RBM20: variants seen among roughly 807,000 people sequenced by gnomAD.
RBM20 encodes the protein RNA binding motif protein 20, also known as RNA-binding protein 20.
Under a neutral mutation model 110.1 loss-of-function variants are expected in RBM20, and 51 were observed. That is an observed-to-expected ratio of 0.46 (90% CI 0.37 to 0.59). RBM20 has a LOEUF of 0.59. Among genes scored for constraint, RBM20 ranks in the 20% least tolerant of loss-of-function variants. The probability of loss-of-function intolerance (pLI) is 0.00; values close to 1 mark genes in which losing one functional copy is unlikely to be tolerated. For synonymous variants in RBM20, 589 were observed against 618.2 expected (o/e 0.95, Z 0.70); for missense variants, 1,512 against 1,574.9 (o/e 0.96, Z 0.68).
intron 1 of RBM20, among the ~76,000 whole-genome samples, chr10:110,674,758 C>G (rs1033138590): frequency 5.9e-5 from 9 of 152,182 alleles, no homozygotes; most frequent in Admixed American, 4.6e-4. Flanking sequence ...TTTTTAGATT[C>G]TTTCTTGATT....
At chr10:110,664,443 G>A (rs1313645355) in intron 1 of RBM20, among the ~76,000 whole-genome samples, 1 of 152,126 alleles carries the variant, frequency 6.6e-6, no homozygotes, top group African/African-American at 2.4e-5. Context: ...AAATCTATAA[G>A]TTAAAAAAAT....
chr10:110,693,545 C>G (rs147076882), intron 1 of RBM20, among the ~76,000 whole-genome samples: 176 of 152,308 alleles, frequency 1.2e-3, no homozygotes, highest in Middle Eastern at 6.8e-3. Context: ...CTAAACTAAA[C>G]TGTTGGCAAA....
intron 7 of RBM20, among the ~76,000 whole-genome samples, chr10:110,807,623 A>G (rs1372782554): frequency 6.6e-6 from 1 of 151,920 alleles, no homozygotes. Context: ...CCTCATAGTC[A>G]CTCTGCCATG....
chr10:110,752,945 A>ATATATTTT (rs1433992064), intron 1 of RBM20, among the ~76,000 whole-genome samples: 60 of 108,982 alleles, frequency 5.5e-4, no homozygotes, highest in African/African-American at 2.1e-3. Flanking sequence ...ATATATATAT[A>ATATATTTT]TTTTTTTTTT....
intron 3 of RBM20, 118 bp downstream of exon 3, chr10:110,783,545 A>G (rs1023340931): frequency 2.8e-6 from 2 of 726,904 alleles, no homozygotes; most frequent in Non-Finnish European, 4.6e-6. Context: ...CAGAACAGGC[A>G]AAGTTCCTGC....
intron 1 of RBM20, among the ~76,000 whole-genome samples, chr10:110,737,193 A>AAAAAAAAAAAAAAAAAAAAC (rs796374212): frequency 6.0e-5 from 7 of 116,510 alleles, no homozygotes; most frequent in Admixed American, 1.7e-4. Flanking sequence ...AAAAAAAAAA[A>AAAAAAAAAAAAAAAAAAAAC]AAAACACCCC....
chr10:110,735,219 A>C (rs2134958648), intron 1 of RBM20, among the ~76,000 whole-genome samples: 1 of 152,346 alleles, frequency 6.6e-6, no homozygotes, highest in East Asian at 1.9e-4. Context: ...AGGTATATAT[A>C]GGAAAAAATA....
chr10:110,696,861 G>T (rs1182326379), intron 1 of RBM20, among the ~76,000 whole-genome samples: 1 of 152,100 alleles, frequency 6.6e-6, no homozygotes, highest in African/African-American at 2.4e-5. Context: ...TACTTTTACA[G>T]CTTGATGAAT....
Position 110,802,120 on chromosome 10 carries a change from G to A in RBM20, c.1800+2202G>A, listed in dbSNP as rs140702504. On this transcript the variant is annotated intron_variant, in intron 7 of 13. Coordinates refer to ENST00000369519, the MANE Select transcript of RBM20 (RefSeq NM_001134363.3). Reference sequence around the variant, plus strand: ...GTGCTTTCTACTGTTCCATTTAATAGGGATTTTCCCGTTCACTTTAGCTCA... The same window carrying A: ...GTGCTTTCTACTGTTCCATTTAATAAGGATTTTCCCGTTCACTTTAGCTCA... Among the ~76,000 whole-genome samples the A allele has an allele frequency of 6.2e-3, 943 of 152,274 alleles. 11 individuals carry two copies. Among genetic ancestry groups the A allele is most frequent in the African/African-American group, 0.018 (760 of 41,554 alleles).
At chr10:110,666,064 G>T (rs1488715404) in intron 1 of RBM20, among the ~76,000 whole-genome samples, 1 of 151,958 alleles carries the variant, frequency 6.6e-6, no homozygotes, top group Non-Finnish European at 1.5e-5. Context: ...ATACTCTAGG[G>T]TTGTATACTA....
chr10:110,824,437 G>A (rs1207087258), intron 12 of RBM20, among the ~76,000 whole-genome samples: 2 of 152,322 alleles, frequency 1.3e-5, no homozygotes, highest in South Asian at 2.1e-4. Context: ...CATAGAAAGG[G>A]TATTGAACAG....
rs397516608 is a variant in RBM20 at position 110,821,380 on chromosome 10, A to G, written c.2761A>G (p.Ile921Val). 110 of 1,551,766 alleles carry G rather than the reference A, an allele frequency of 7.1e-5. No individual in the cohort carries two copies. The highest frequency in any genetic ancestry group is 2.0e-4 in the Admixed American group (10 of 51,004). ...CGAGGTTGGGGAAGAAGAAGATTTT[A>G]TCGTGGAACCAGACATCCCAGAGCT... is the stretch of plus-strand genomic sequence containing the variant. ...VDEVGEEEDF[I>V]VEPDIPELEE... Residue 921 changes from isoleucine to valine, a missense_variant, in exon 11 of 14, where the codon ATC (isoleucine) becomes GTC (valine). This residue lies in a region of RBM20 where 358 missense variants were observed against 384.2 expected (regional missense o/e 0.93). Coordinates refer to ENST00000369519, the MANE Select transcript of RBM20 (RefSeq NM_001134363.3).
chr10:110,683,448 G>A (rs1862452040), intron 1 of RBM20, among the ~76,000 whole-genome samples: 1 of 152,170 alleles, frequency 6.6e-6, no homozygotes, highest in African/African-American at 2.4e-5. Context: ...ATGTTTTCTC[G>A]TAAATGCTAG....
Position 110,770,882 on chromosome 10 carries a change from C to T in RBM20, c.192-9919C>T, listed in dbSNP as rs569167250. 5.3e-5 allele frequency among the ~76,000 whole-genome samples: 8 copies of T among 152,366 alleles called. No homozygotes were observed. In the East Asian group the frequency reaches 1.5e-3, roughly 29 times the overall value. On this transcript the variant is annotated intron_variant, in intron 1 of 13. Transcript: ENST00000369519. ...GAGGCACACACTGAAATTGCATTTT[C>T]TTCCGATTTGGTTAAAAGGAAAAAC...
intron 11 of RBM20, among the ~76,000 whole-genome samples, chr10:110,822,783 G>A (rs190138019): frequency 3.9e-5 from 6 of 152,130 alleles, no homozygotes; most frequent in African/African-American, 1.4e-4. Context: ...TAACTGGGAG[G>A]CTTGGGATTT....
At chr10:110,823,679 C>T in intron 12 of RBM20, 65 bp downstream of exon 12, 1 of 1,514,376 alleles carries the variant, frequency 6.6e-7, no homozygotes, top group South Asian at 1.2e-5. Context: ...ATAGCAACCT[C>T]AAGAGCTTGA....
At chr10:110,653,668 A>G (rs1460496752) in intron 1 of RBM20, among the ~76,000 whole-genome samples, 1 of 151,690 alleles carries the variant, frequency 6.6e-6, no homozygotes, top group African/African-American at 2.4e-5. Context: ...GCAATCTCCC[A>G]CCTCAACCTT....
chr10:110,778,886 C>G (rs568651152), intron 1 of RBM20, among the ~76,000 whole-genome samples: 21 of 152,334 alleles, frequency 1.4e-4, no homozygotes, highest in Admixed American at 5.9e-4. Context: ...ATATAGGTCA[C>G]ATGAAAGACA....
intron 1 of RBM20, among the ~76,000 whole-genome samples, chr10:110,656,080 C>T (rs1249738442): frequency 6.6e-6 from 1 of 152,106 alleles, no homozygotes; most frequent in East Asian, 1.9e-4. Flanking sequence ...GCACGTGGAT[C>T]ACCTGTGGTC....
Sources: gnomAD v4.1 joint callset for allele counts (sites outside exome capture counted in the v4.1 genomes callset) on GRCh38, gnomAD v4.1.1 for gene constraint, gnomAD v4.1.1 regional missense constraint, MANE v1.5 for transcripts, NCBI Gene and HGNC (gene_info 2026-07-23, HGNC 2026-07-21) for gene names.